Variants in OSCP1 observed in about 807,000 individuals in gnomAD.
OSCP1 encodes organic solute carrier partner 1.
OSCP1 carries 35 observed loss-of-function variants against 45.1 expected under a neutral mutation model. The observed-to-expected ratio is 0.78, with a 90% CI of 0.59 to 1.03. The LOEUF is 1.03. OSCP1 is among the 50% of genes least tolerant of loss of function. OSCP1 has a pLI of 0.00. For synonymous variants in OSCP1, 179 were observed against 180.1 expected, an observed-to-expected ratio of 0.99 and a Z score of 0.05; for missense variants, 400 against 470.7, an observed-to-expected ratio of 0.85 and a Z score of 1.39.
At chr1:36,442,826 T>C (rs1201185105) in intron 1 of OSCP1, among the ~76,000 whole-genome samples, 2 of 152,196 alleles carry the variant, frequency 1.3e-5, no homozygotes, top group Non-Finnish European at 2.9e-5. Context: ...AGACCACTTA[T>C]CGTTTTATAT....
At chr1:36,428,761 A>G (rs1049199747) in intron 4 of OSCP1, among the ~76,000 whole-genome samples, 2 of 152,096 alleles carry the variant, frequency 1.3e-5, no homozygotes, top group African/African-American at 4.8e-5. Context: ...CCTGGCTAAC[A>G]TGGTGAAACC....
chr1:36,447,748 A>T lies in OSCP1; in HGVS notation c.112+2510T>A. 3.7e-6 allele frequency: 1 copy of T among 267,086 alleles called. No individual in the cohort carries two copies. Among genetic ancestry groups the T allele is most frequent in the Non-Finnish European group, 8.0e-6 (1 of 125,242 alleles). 16.5% of individuals were successfully genotyped at this position (267,086 alleles called of 1,614,324 possible). On this transcript the variant is annotated intron_variant, in intron 1 of 9. Coordinates refer to ENST00000235532, the MANE Select transcript of OSCP1 (RefSeq NM_145047.5). The surrounding 1 kb of genome is among the most constrained non-coding windows in gnomAD (Gnocchi z 4.1). Reference sequence around the variant, plus strand: ...GTACAAAGTAAGTGCTTGATTTTTCATTGTTTTATTGTTGATTGCTGTCAC... The same window carrying T: ...GTACAAAGTAAGTGCTTGATTTTTCTTTGTTTTATTGTTGATTGCTGTCAC...
rs770255243 is a variant in OSCP1 at position 36,418,172 on chromosome 1, C to T, written c.1107G>A (p.Gly369=). ...TEQPRLSTSK[G]DDLLAMMDEL ...CATCCATCATGGCGAGCAAATCGTC[C>T]CCTTTGCTGGTGCTCAGCCTTGGCT... The change falls in exon 10 of 10, where the codon GGG becomes GGA. Residue 369 remains glycine (G), a synonymous_variant. Transcript: ENST00000235532. The T allele has an allele frequency of 1.2e-5, 20 of 1,614,184 alleles. No individual in the cohort carries two copies. The highest frequency in any genetic ancestry group is 1.7e-5 in the Non-Finnish European group (20 of 1,180,028).
At position 36,422,763 on chromosome 1, in the gene OSCP1, C is replaced by A. The variant is rs1423105833; in HGVS notation, c.749+5G>T. ...TTGAATTCACTCAGAGAAGAATTTGCTTACATGTTAGTTCCCAGTTTCAGG... is the reference window on the plus strand; with the variant it reads ...TTGAATTCACTCAGAGAAGAATTTGATTACATGTTAGTTCCCAGTTTCAGG... On this transcript the variant is annotated splice_donor_5th_base_variant and intron_variant, in intron 6 of 9. Transcript: ENST00000235532. 2.5e-6 allele frequency: 4 copies of A among 1,571,516 alleles called. No individual in the cohort carries two copies. The highest frequency in any genetic ancestry group is 2.6e-6 in the Non-Finnish European group (3 of 1,156,240).
intron 2 of OSCP1, among the ~76,000 whole-genome samples, chr1:36,438,545 G>A (rs1648911947): frequency 6.6e-6 from 1 of 152,086 alleles, no homozygotes; most frequent in Non-Finnish European, 1.5e-5. Context: ...CACTCTCTTT[G>A]GGCAGGTGGA....
At chr1:36,425,500 T>C (rs750431458) in intron 4 of OSCP1, among the ~76,000 whole-genome samples, 63 of 152,192 alleles carry the variant, frequency 4.1e-4, no homozygotes, top group African/African-American at 1.5e-3. Flanking sequence ...TTTGGGAGGC[T>C]GAGGCGGGAG....
intron 1 of OSCP1, among the ~76,000 whole-genome samples, chr1:36,439,327 C>T (rs552480267): frequency 5.3e-5 from 8 of 152,008 alleles, no homozygotes; most frequent in Middle Eastern, 3.4e-3. Flanking sequence ...TTGAGACCAG[C>T]CTGGGCAACA....
intron 4 of OSCP1, among the ~76,000 whole-genome samples, chr1:36,427,519 A>G (rs1056276442): frequency 5.3e-5 from 8 of 151,520 alleles, no homozygotes; most frequent in African/African-American, 1.9e-4. Flanking sequence ...GGGTTTCACC[A>G]TGTTGGCCAG....
chr1:36,434,978 G>A (rs927446931), intron 2 of OSCP1, among the ~76,000 whole-genome samples: 3 of 151,856 alleles, frequency 2.0e-5, no homozygotes, highest in African/African-American at 7.3e-5. Context: ...AGTAAATTGG[G>A]TCTCACAGCT....
At chr1:36,429,535 A>ATTTTTTTGTTTT (rs1648211487) in intron 4 of OSCP1, among the ~76,000 whole-genome samples, 1 of 100,286 alleles carries the variant, frequency 1.0e-5, no homozygotes, top group African/African-American at 4.2e-5. Flanking sequence ...GAAGCTTAGA[A>ATTTTTTTGTTTT]TTTTTTTTTT....
At chr1:36,422,422 G>A (rs1289685294) in intron 6 of OSCP1, among the ~76,000 whole-genome samples, 1 of 152,210 alleles carries the variant, frequency 6.6e-6, no homozygotes, top group Non-Finnish European at 1.5e-5. Flanking sequence ...GAGGCTGGGT[G>A]GCAATGCCTC....
intron 8 of OSCP1, 190 bp from the exon 9 acceptor site, chr1:36,419,244 C>CCTG: frequency 3.3e-6 from 2 of 599,376 alleles, no homozygotes; most frequent in South Asian, 2.0e-5. Context: ...CTCTCTGTGA[C>CCTG]TTTGCACATT....
chr1:36,438,607 A>G, intron 2 of OSCP1, 149 bp downstream of exon 2: 1 of 905,700 alleles, frequency 1.1e-6, no homozygotes, highest in Non-Finnish European at 1.6e-6. Context: ...GGTCTTTCCC[A>G]CTCTGAAACT....
intron 4 of OSCP1, chr1:36,428,529 C>T: frequency 6.5e-7 from 1 of 1,532,142 alleles, no homozygotes; most frequent in East Asian, 2.3e-5. Context: ...TCAGTTAATC[C>T]AACAAAATTA....
Position 36,443,888 on chromosome 1 carries a change from A to G in OSCP1, c.113-4978T>C, listed in dbSNP as rs1649347258. On this transcript the variant is annotated intron_variant, in intron 1 of 9. Transcript: ENST00000235532. ...CTCAGCTAAAGACAAACTCATGCCT[A>G]TTTTCTTACTTTGACTTTGAAATGT... 4 of 1,206,200 alleles carry G rather than the reference A, an allele frequency of 3.3e-6. No individual in the cohort carries two copies. In the East Asian group the frequency reaches 7.0e-5, roughly 21 times the overall value. 74.7% of individuals were successfully genotyped at this position (1,206,200 alleles called of 1,614,324 possible).
At chr1:36,430,774 C>T (rs1356959672) in intron 4 of OSCP1, among the ~76,000 whole-genome samples, 2 of 152,172 alleles carry the variant, frequency 1.3e-5, no homozygotes, top group African/African-American at 2.4e-5. Flanking sequence ...CCTGCCTCAG[C>T]CTCCTGAGTA....
Position 36,450,219 on chromosome 1 carries a change from T to C in OSCP1, c.112+39A>G, listed in dbSNP as rs986409800. On this transcript the variant is annotated intron_variant, in intron 1 of 9. Coordinates refer to ENST00000235532, the MANE Select transcript of OSCP1 (RefSeq NM_145047.5). Reference sequence around the variant, plus strand: ...GGCGATGATGAGAGGGCCGGGCTGCTGGCTGCGGGTCTGGCTGAGCGGGCC... The same window carrying C: ...GGCGATGATGAGAGGGCCGGGCTGCCGGCTGCGGGTCTGGCTGAGCGGGCC... 5.8e-6 allele frequency: 9 copies of C among 1,543,782 alleles called. No individual in the cohort carries two copies. The African/African-American group carries it at 1.1e-4, about 19-fold the overall frequency.
In OSCP1 at chr1:36,427,230, G is replaced by A. The variant is rs1648025882; in HGVS notation, c.517-3764C>T. Among the ~76,000 whole-genome samples, 3 of 148,610 alleles carry A rather than the reference G, an allele frequency of 2.0e-5. No homozygotes were observed. In the South Asian group the frequency reaches 6.4e-4, roughly 32 times the overall value. ...TTGGCCAGGCTGGTCTCGAACTCCT[G>A]ACCTCATGATCCACCTGCCTTGGCC... On this transcript the variant is annotated intron_variant, in intron 4 of 9. Transcript: ENST00000235532.
At chr1:36,427,299 C>CTTTTTTTT (rs71053929) in intron 4 of OSCP1, among the ~76,000 whole-genome samples, 17,315 of 95,452 alleles carry the variant, frequency 0.18, 2,430 homozygotes, top group South Asian at 0.22. Context: ...GGCGCCTGGC[C>CTTTTTTTT]TTTTTTTTTT....
Sources: gnomAD v4.1 joint callset for allele counts (sites outside exome capture counted in the v4.1 genomes callset) on GRCh38, gnomAD v4.1.1 for gene constraint, Gnocchi (gnomAD v3.1) non-coding constraint, MANE v1.5 for transcripts, NCBI Gene and HGNC (gene_info 2026-07-23, HGNC 2026-07-21) for gene names.